Variants in TTLL5 observed in about 807,000 individuals in gnomAD.
TTLL5 encodes the protein tubulin polyglutamylase TTLL5.
TTLL5 carries 132 observed loss-of-function variants against 168.4 expected under a neutral mutation model. That is an observed-to-expected ratio of 0.78 (90% CI 0.68 to 0.91). The LOEUF is 0.91. Among genes scored for constraint, TTLL5 ranks in the 40% least tolerant of loss-of-function variants. The probability of loss-of-function intolerance (pLI) is 0.00; values close to 1 mark genes in which losing one functional copy is unlikely to be tolerated. For synonymous variants in TTLL5, 546 were observed against 558.6 expected (o/e 0.98, Z 0.32); for missense variants, 1,545 against 1,581.5 (o/e 0.98, Z 0.39).
Position 75,835,107 on chromosome 14 carries a change from T to C in TTLL5, c.3326+14946T>C, listed in dbSNP as rs28589991. ...AACAAACAAACAAAACAATTTGAGCTTTGACTTCCTCTAGTAAGGTACCCT... is the reference window on the plus strand; with the variant it reads ...AACAAACAAACAAAACAATTTGAGCCTTGACTTCCTCTAGTAAGGTACCCT... On this transcript the variant is annotated intron_variant, in intron 28 of 31. Coordinates refer to ENST00000298832, the MANE Select transcript of TTLL5 (RefSeq NM_015072.5). 6.6e-3 allele frequency among the ~76,000 whole-genome samples: 1,012 copies of C among 152,194 alleles called. 12 individuals are homozygous for C. Among genetic ancestry groups the C allele is most frequent in the African/African-American group, 0.024 (978 of 41,494 alleles).
At chr14:75,719,227 A>C (rs1480313762) in intron 10 of TTLL5, among the ~76,000 whole-genome samples, 1 of 152,204 alleles carries the variant, frequency 6.6e-6, no homozygotes, top group Non-Finnish European at 1.5e-5. Flanking sequence ...TCTACTGCCA[A>C]AGAGGAGGGA....
intron 29 of TTLL5, 71 bp downstream of exon 29, chr14:75,863,933 A>AAAAAC: frequency 7.9e-7 from 1 of 1,268,262 alleles, no homozygotes; most frequent in Non-Finnish European, 1.0e-6. Flanking sequence ...AAAAAAAAAA[A>AAAAAC]AGGTCAGTGA....
intron 12 of TTLL5, among the ~76,000 whole-genome samples, chr14:75,731,936 A>G (rs1279211980): frequency 6.6e-6 from 1 of 151,682 alleles, no homozygotes; most frequent in Non-Finnish European, 1.5e-5. Context: ...GGGGAAGGGA[A>G]ATTCAGAGAA....
intron 30 of TTLL5, among the ~76,000 whole-genome samples, chr14:75,897,859 T>G (rs917614163): frequency 8.5e-5 from 13 of 152,290 alleles, no homozygotes; most frequent in South Asian, 8.3e-4. Context: ...GTAGTAAGCT[T>G]CTTACTCTCA....
rs539360998 is a variant in TTLL5, at chr14:75,694,664, G to A, written c.502+4342G>A. ...TTGTGGGAAGTCAGGGACCCTGAGC[G>A]GAGGGACTGGCTGAAGCCATGGCAG... is the stretch of plus-strand genomic sequence containing the variant. On this transcript the variant is annotated intron_variant, in intron 6 of 31. Coordinates refer to ENST00000298832, the MANE Select transcript of TTLL5 (RefSeq NM_015072.5). 1.4e-3 allele frequency among the ~76,000 whole-genome samples: 219 copies of A among 152,314 alleles called. 1 individual carries two copies. Among genetic ancestry groups the A allele is most frequent in the African/African-American group, 5.1e-3 (211 of 41,568 alleles).
At chr14:75,789,851 A>G (rs1892592594) in intron 26 of TTLL5, among the ~76,000 whole-genome samples, 1 of 152,184 alleles carries the variant, frequency 6.6e-6, no homozygotes, top group Non-Finnish European at 1.5e-5. Context: ...GTGTCATTGG[A>G]TTTTTTAAGC....
intron 28 of TTLL5, among the ~76,000 whole-genome samples, chr14:75,855,825 C>A (rs930173325): frequency 5.9e-5 from 9 of 152,198 alleles, no homozygotes; most frequent in African/African-American, 2.2e-4. Flanking sequence ...CACACACATT[C>A]TTTAGAGCGA....
At chr14:75,683,457 A>G (rs998392477) in intron 4 of TTLL5, 93 bp from the exon 5 acceptor site, 14 of 1,071,984 alleles carry the variant, frequency 1.3e-5, no homozygotes, top group Non-Finnish European at 1.9e-5. Context: ...CTGTGGATGA[A>G]AAAATCACTG....
At chr14:75,829,912 T>G (rs927099158) in intron 28 of TTLL5, among the ~76,000 whole-genome samples, 2 of 152,160 alleles carry the variant, frequency 1.3e-5, no homozygotes, top group African/African-American at 4.8e-5. Flanking sequence ...GTAAAGGAGA[T>G]TTTTTAGTTC....
At chr14:75,914,033 AATATATAT>A in intron 31 of TTLL5, among the ~76,000 whole-genome samples, 1 of 71,100 alleles carries the variant, frequency 1.4e-5, no homozygotes, top group African/African-American at 1.6e-4. Context: ...AAAAAAAAAA[AATATATAT>A]ATATATATAT....
At position 75,886,805 on chromosome 14, in the gene TTLL5, C is replaced by T. The variant is rs961421172; in HGVS notation, c.3740+3903C>T. 2.5e-6 allele frequency: 4 copies of T among 1,583,398 alleles called. No homozygotes were observed. The African/African-American group carries it at 5.4e-5, about 21-fold the overall frequency. ...AAACAACTACATGCATCTGAACTGT[C>T]TCTTGTAAATGAGCTTTTTTCAGAG... On this transcript the variant is annotated intron_variant, in intron 30 of 31. Transcript: ENST00000298832.
rs116523031 is a variant in TTLL5, at chr14:75,943,124, G to A, written c.3824-11300G>A. Among the ~76,000 whole-genome samples, 504 of 152,226 alleles carry A rather than the reference G, an allele frequency of 3.3e-3. 4 individuals are homozygous for A. Among genetic ancestry groups the A allele is most frequent in the African/African-American group, 0.011 (466 of 41,532 alleles). On this transcript the variant is annotated intron_variant, in intron 31 of 31. Transcript: ENST00000298832. ...GTCGGGGAAGAGCTGGGCTGTAGTC[G>A]TGGTCATAGAGGCAGTGAGGGAAAA...
chr14:75,926,565 A>G (rs763378268), intron 31 of TTLL5, among the ~76,000 whole-genome samples: 2 of 152,206 alleles, frequency 1.3e-5, no homozygotes, highest in African/African-American at 2.4e-5. Context: ...ACCAATGAAA[A>G]GATGCATCAT....
At chr14:75,850,270 G>A (rs1266702138) in intron 28 of TTLL5, among the ~76,000 whole-genome samples, 1 of 151,910 alleles carries the variant, frequency 6.6e-6, no homozygotes, top group Non-Finnish European at 1.5e-5. Flanking sequence ...TCCGGGCATG[G>A]TGGCACATGC....
At chr14:75,780,109 T>A (rs185097917) in intron 24 of TTLL5, among the ~76,000 whole-genome samples, 2 of 152,338 alleles carry the variant, frequency 1.3e-5, no homozygotes, top group Admixed American at 1.3e-4. Context: ...TTCTTTATCG[T>A]GCAGGGACAA....
intron 28 of TTLL5, among the ~76,000 whole-genome samples, chr14:75,846,239 G>A (rs1896533582): frequency 1.3e-5 from 2 of 152,150 alleles, no homozygotes; most frequent in South Asian, 4.1e-4. Flanking sequence ...ATATAAACCA[G>A]CAGGTCAGGC....
intron 18 of TTLL5, among the ~76,000 whole-genome samples, chr14:75,760,101 T>G (rs1482949744): frequency 6.6e-6 from 1 of 152,094 alleles, no homozygotes; most frequent in Admixed American, 6.5e-5. Context: ...TAGAAAATCC[T>G]AAGGCATCTG....
intron 4 of TTLL5, 35 bp from the exon 5 acceptor site, chr14:75,683,515 T>G: frequency 6.6e-7 from 1 of 1,524,892 alleles, no homozygotes; most frequent in Non-Finnish European, 9.1e-7. Context: ...ATCTCTGATG[T>G]TTTTTTGCCT....
At position 75,783,375 on chromosome 14, in the gene TTLL5, C is replaced by T; in HGVS notation, c.2831C>T (p.Ser944Phe). 1 of 1,614,214 alleles carries T rather than the reference C, an allele frequency of 6.2e-7. No homozygotes were observed. Among genetic ancestry groups the T allele is most frequent in the South Asian group, 1.1e-5 (1 of 91,080 alleles). ...ILLNTVSASA[S>F]PCLHPGAQNI... ...CTGAACACAGTCTCTGCCAGTGCTT[C>T]TCCCTGCCTACATCCCGGGGCACAG... The change falls in exon 26 of 32, where the codon TCT becomes TTT. Residue 944 changes from serine to phenylalanine, a missense_variant. Physicochemically the swap from Ser to Phe is radical, Grantham distance 155. Transcript: ENST00000298832.
Sources: gnomAD v4.1 joint callset for allele counts (sites outside exome capture counted in the v4.1 genomes callset) on GRCh38, gnomAD v4.1.1 for gene constraint, MANE v1.5 for transcripts, NCBI Gene and HGNC (gene_info 2026-07-23, HGNC 2026-07-21) for gene names.